The following PPARG variants were observed in gnomAD, a reference collection of about 807,000 sequenced individuals.
The protein encoded by PPARG is peroxisome proliferator-activated receptor gamma.
PPARG carries 17 observed loss-of-function variants against 39.2 expected under a neutral mutation model. That is an observed-to-expected ratio of 0.43 (90% CI 0.30 to 0.65). The LOEUF is 0.65. PPARG is among the 30% of genes least tolerant of loss of function. PPARG has a pLI of 0.13. For synonymous variants in PPARG, 223 were observed against 215.7 expected (o/e 1.03, Z -0.30); for missense variants, 406 against 585.9 (o/e 0.69, Z 3.17).
In PPARG at chr3:12,428,781, CTT is replaced by C. The variant is rs151144680; in HGVS notation, c.1181-5116_1181-5115del. Among the ~76,000 whole-genome samples the C allele has an allele frequency of 2.0e-3, 305 of 152,272 alleles. 1 individual carries two copies. Among genetic ancestry groups the C allele is most frequent in the African/African-American group, 6.8e-3 (283 of 41,552 alleles). ...GAGCTTAAAGACCAAAGGAAGCGTT[CTT>C]GTTTTTAAGTAAGTCAGGTGTTCTA... On this transcript the variant is annotated intron_variant, in intron 7 of 7. Coordinates refer to ENST00000651735, the MANE Select transcript of PPARG (RefSeq NM_138711.6).
rs2049572135 is a variant in PPARG, at chr3:12,379,848, C to T, written c.137C>T (p.Pro46Leu). The change falls in exon 3 of 8, where the codon CCA becomes CTA. Residue 46 changes from proline to leucine, a missense_variant. Coordinates refer to ENST00000651735, the MANE Select transcript of PPARG (RefSeq NM_138711.6). ...GTTGACTTCTCCAGCATTTCTACTC[C>T]ACATTACGAAGACATTCCATTCACA... ...TTVDFSSIST[P>L]HYEDIPFTRT... is the part of the protein sequence containing the mutation. 1 of 1,613,844 alleles carries T rather than the reference C, an allele frequency of 6.2e-7. No individual in the cohort carries two copies. The highest frequency in any genetic ancestry group is 8.5e-7 in the Non-Finnish European group (1 of 1,179,866).
chr3:12,394,298 C>T (rs2050182950), intron 5 of PPARG, among the ~76,000 whole-genome samples: 1 of 152,146 alleles, frequency 6.6e-6, no homozygotes, highest in African/African-American at 2.4e-5. Context: ...AAATATAATT[C>T]CTGTTACTTA....
chr3:12,362,964 T>G (rs1045840856), intron 2 of PPARG, among the ~76,000 whole-genome samples: 4 of 152,210 alleles, frequency 2.6e-5, no homozygotes, highest in Non-Finnish European at 4.4e-5. Context: ...AGACAGGGTC[T>G]CACTTTGTCT....
In PPARG at chr3:12,407,973, AG is replaced by A. The variant is rs143797687; in HGVS notation, c.729+1894del. The stretch of plus-strand genomic sequence containing the variant: ...TATTATCCTCTTTATTTTAGAGATG[AG>A]GAAAATAAAGTCCAGAGAGGTTAAA... On this transcript the variant is annotated intron_variant, in intron 6 of 7. Coordinates refer to ENST00000651735, the MANE Select transcript of PPARG (RefSeq NM_138711.6). Among the ~76,000 whole-genome samples, 3 of 152,328 alleles carry A rather than the reference AG, an allele frequency of 2.0e-5. No homozygotes were observed. The East Asian group carries it at 5.8e-4, about 29-fold the overall frequency.
intron 2 of PPARG, among the ~76,000 whole-genome samples, chr3:12,367,619 C>G (rs552711465): frequency 6.6e-6 from 1 of 150,390 alleles, no homozygotes; most frequent in Admixed American, 6.6e-5. Context: ...GAGGCTGAGG[C>G]GGGAGGATTG....
intron 2 of PPARG, among the ~76,000 whole-genome samples, chr3:12,328,955 T>G (rs1292959562): frequency 1.3e-5 from 2 of 152,156 alleles, no homozygotes; most frequent in African/African-American, 2.4e-5. Flanking sequence ...CTGTCTCCTT[T>G]TGGCCAATAT....
At chr3:12,347,811 T>C (rs1485988145) in intron 2 of PPARG, among the ~76,000 whole-genome samples, 1 of 152,180 alleles carries the variant, frequency 6.6e-6, no homozygotes, top group Non-Finnish European at 1.5e-5. Flanking sequence ...ACTCTCATCA[T>C]CAACAAAAAC....
At chr3:12,362,513 C>A (rs984000029) in intron 2 of PPARG, among the ~76,000 whole-genome samples, 1 of 148,718 alleles carries the variant, frequency 6.7e-6, no homozygotes, top group African/African-American at 2.5e-5. Context: ...AGTGAGACTT[C>A]GTCTCAAAAA....
intron 6 of PPARG, among the ~76,000 whole-genome samples, chr3:12,408,978 A>T (rs1238575599): frequency 3.3e-5 from 5 of 152,218 alleles, no homozygotes; most frequent in Non-Finnish European, 7.3e-5. Context: ...GAGTTAAAAA[A>T]TAAGGAGGTT....
chr3:12,342,103 T>C (rs984103877), intron 2 of PPARG, among the ~76,000 whole-genome samples: 3 of 152,202 alleles, frequency 2.0e-5, no homozygotes, highest in African/African-American at 7.2e-5. Context: ...TGCCTTCTGA[T>C]GTGATGGAAT....
chr3:12,354,714 A>G (rs1166602128), intron 2 of PPARG, among the ~76,000 whole-genome samples: 2 of 148,944 alleles, frequency 1.3e-5, no homozygotes, highest in Non-Finnish European at 3.0e-5. Flanking sequence ...AGATTGCGCC[A>G]CTGCACTCCA....
chr3:12,413,887 G>A (rs920446752), intron 6 of PPARG, among the ~76,000 whole-genome samples: 1 of 151,802 alleles, frequency 6.6e-6, no homozygotes, highest in Admixed American at 6.6e-5. Flanking sequence ...CTCTGTCCTT[G>A]AGTATTTACT....
intron 2 of PPARG, among the ~76,000 whole-genome samples, chr3:12,338,003 G>A (rs1215900075): frequency 2.0e-5 from 3 of 152,006 alleles, no homozygotes; most frequent in Admixed American, 6.6e-5. Flanking sequence ...TCATGAATAA[G>A]GAAGGACAAA....
At chr3:12,391,703 A>T (rs1289079162) in intron 4 of PPARG, among the ~76,000 whole-genome samples, 1 of 152,212 alleles carries the variant, frequency 6.6e-6, no homozygotes, top group Non-Finnish European at 1.5e-5. Flanking sequence ...ATACTCATCC[A>T]GAGTTCTAAA....
chr3:12,430,336 T>A (rs1264259142), intron 7 of PPARG, among the ~76,000 whole-genome samples: 1 of 152,218 alleles, frequency 6.6e-6, no homozygotes, highest in Non-Finnish European at 1.5e-5. Flanking sequence ...TTTCCACTGG[T>A]GGTTCAGAAC....
chr3:12,322,311 A>C (rs150478329), intron 2 of PPARG, among the ~76,000 whole-genome samples: 3 of 152,370 alleles, frequency 2.0e-5, no homozygotes, highest in Non-Finnish European at 2.9e-5. Context: ...TTTGGCTCCT[A>C]CTTGTATGTA....
At position 12,405,783 on chromosome 3, in the gene PPARG, G is replaced by C. The variant is rs937857517; in HGVS notation, c.530-99G>C. On this transcript the variant is annotated intron_variant, in intron 5 of 7. Coordinates refer to ENST00000651735, the MANE Select transcript of PPARG (RefSeq NM_138711.6). ...AGGACTCAAGAGCAGTGGAGGAGGA[G>C]GGCTTCTACTGTGTGGGAACGAGGG... 13 of 1,223,704 alleles carry C rather than the reference G, an allele frequency of 1.1e-5. No individual in the cohort carries two copies. The South Asian group carries it at 1.4e-4, about 13-fold the overall frequency. The allele number at this position is 1,223,704 out of a possible 1,614,324, so 75.8% of individuals were successfully genotyped here.
At chr3:12,390,917 T>C (rs1220862067) in intron 4 of PPARG, among the ~76,000 whole-genome samples, 2 of 152,064 alleles carry the variant, frequency 1.3e-5, no homozygotes, top group Non-Finnish European at 2.9e-5. Flanking sequence ...TGTCAAAGTG[T>C]TGGGATTACA....
chr3:12,309,531 T>TA (rs2047168242), intron 1 of PPARG, among the ~76,000 whole-genome samples: 1 of 152,206 alleles, frequency 6.6e-6, no homozygotes, highest in Non-Finnish European at 1.5e-5. Flanking sequence ...ATATCAGTGT[T>TA]ATGACACTCC....
Sources: allele counts gnomAD v4.1 joint callset (sites outside exome capture counted in the v4.1 genomes callset), GRCh38; gene constraint gnomAD v4.1.1; transcripts MANE v1.5; gene names NCBI Gene and HGNC (gene_info 2026-07-23, HGNC 2026-07-21).